The following ARHGAP15 variants were observed in gnomAD, a reference collection of about 807,000 sequenced individuals.
The protein encoded by ARHGAP15 is rho GTPase-activating protein 15.
In ARHGAP15, 51 loss-of-function variants were observed where a neutral mutation model predicts 63.7. That is an observed-to-expected ratio of 0.80 (90% CI 0.64 to 1.01). The LOEUF (loss-of-function observed/expected upper bound fraction) is 1.01, where lower values mean the gene tolerates loss of function less well. ARHGAP15 is among the 50% of genes least tolerant of loss of function. ARHGAP15 has a pLI of 0.00. For missense variants in ARHGAP15, 560 were observed against 564.6 expected (o/e 0.99, Z 0.08); for synonymous variants, 191 against 193.8 (o/e 0.99, Z 0.12).
At chr2:143,542,241 G>C (rs923915051) in intron 10 of ARHGAP15, among the ~76,000 whole-genome samples, 1 of 152,188 alleles carries the variant, frequency 6.6e-6, no homozygotes, top group Admixed American at 6.5e-5. Context: ...CAGTATCGGG[G>C]TGGGAGTGAC....
intron 6 of ARHGAP15, among the ~76,000 whole-genome samples, chr2:143,268,573 C>G (rs931817801): frequency 6.6e-6 from 1 of 152,024 alleles, no homozygotes; most frequent in African/African-American, 2.4e-5. Context: ...AGGAAAAACT[C>G]ATTGTACTAG....
chr2:143,253,156 G>A (rs1225589866), intron 6 of ARHGAP15, among the ~76,000 whole-genome samples: 1 of 150,972 alleles, frequency 6.6e-6, no homozygotes, highest in Non-Finnish European at 1.5e-5. Context: ...TTGGTTCAAG[G>A]AAAATCAAAG....
At chr2:143,721,988 G>C (rs1685081147) in intron 13 of ARHGAP15, among the ~76,000 whole-genome samples, 1 of 150,702 alleles carries the variant, frequency 6.6e-6, no homozygotes, top group African/African-American at 2.4e-5. Context: ...CTTATGTTAT[G>C]CAAACATGGT....
chr2:143,358,017 ATTC>A (rs1685879198), intron 6 of ARHGAP15, among the ~76,000 whole-genome samples: 1 of 152,222 alleles, frequency 6.6e-6, no homozygotes, highest in African/African-American at 2.4e-5. Flanking sequence ...TAGGAAAAAT[ATTC>A]TGTTACATAT....
chr2:143,587,841 T>C (rs1452285553), intron 11 of ARHGAP15: 1 of 450,722 alleles, frequency 2.2e-6, no homozygotes, highest in East Asian at 7.0e-5. Flanking sequence ...TTAAGTTTTT[T>C]GAGATACAAT....
chr2:143,452,855 T>A (rs955955598), intron 8 of ARHGAP15, among the ~76,000 whole-genome samples: 1 of 151,998 alleles, frequency 6.6e-6, no homozygotes, highest in East Asian at 1.9e-4. Context: ...AATATTGGGA[T>A]GATATAGTAG....
At chr2:143,755,112 G>A (rs1686524259) in intron 13 of ARHGAP15, among the ~76,000 whole-genome samples, 1 of 152,052 alleles carries the variant, frequency 6.6e-6, no homozygotes, top group African/African-American at 2.4e-5. Flanking sequence ...TCATTAATCC[G>A]GCAGCCCAAA....
Position 143,406,246 on chromosome 2 carries a change from A to G in ARHGAP15, c.475-29355A>G, listed in dbSNP as rs1382752523. Among the ~76,000 whole-genome samples, 4 of 152,024 alleles carry G rather than the reference A, an allele frequency of 2.6e-5. No homozygotes were observed. In the East Asian group the frequency reaches 5.8e-4, roughly 22 times the overall value. ...ATATTTTGTAAGCTAATGTTGTTCA[A>G]TTTTAAGAGTTTATAATTCTAGTTT... On this transcript the variant is annotated intron_variant, in intron 6 of 13. Coordinates refer to ENST00000295095, the MANE Select transcript of ARHGAP15 (RefSeq NM_018460.4).
At position 143,310,696 on chromosome 2, in the gene ARHGAP15, T is replaced by C. The variant is rs1683406230; in HGVS notation, c.474+60096T>C. On this transcript the variant is annotated intron_variant, in intron 6 of 13. Coordinates refer to ENST00000295095, the MANE Select transcript of ARHGAP15 (RefSeq NM_018460.4). ...TAGCTGCCTTACCTTTTATTTAATTTACATACTTTATTTACTTTCTGACAG... is the reference window on the plus strand; with the variant it reads ...TAGCTGCCTTACCTTTTATTTAATTCACATACTTTATTTACTTTCTGACAG... 2.6e-5 allele frequency among the ~76,000 whole-genome samples: 4 copies of C among 152,056 alleles called. No homozygotes were observed. In the South Asian group the frequency reaches 8.3e-4, roughly 31 times the overall value.
Position 143,250,575 on chromosome 2 carries a change from A to G in ARHGAP15, c.449A>G (p.Lys150Arg), listed in dbSNP as rs770046182. 1 of 1,613,318 alleles carries G rather than the reference A, an allele frequency of 6.2e-7. No homozygotes were observed. The highest frequency in any genetic ancestry group is 1.1e-5 in the South Asian group (1 of 91,064). Residue 150 changes from lysine (K) to arginine (R), a missense_variant, in exon 6 of 14, where the codon AAA (lysine) becomes AGA (arginine). Coordinates refer to ENST00000295095, the MANE Select transcript of ARHGAP15 (RefSeq NM_018460.4). ...CGAHIEWAKE[K>R]SSRKNVFQIT... is the part of the protein sequence containing the mutation. ...GCACACATTGAATGGGCCAAGGAAA[A>G]ATCGAGCAGAAAGAATGTCTTTCAG...
At chr2:143,476,861 C>CG in intron 8 of ARHGAP15, among the ~76,000 whole-genome samples, 1 of 152,226 alleles carries the variant, frequency 6.6e-6, no homozygotes, top group Non-Finnish European at 1.5e-5. Context: ...GTGTTACATG[C>CG]GATGAGCTTG....
intron 12 of ARHGAP15, among the ~76,000 whole-genome samples, chr2:143,662,512 C>T (rs963980226): frequency 7.0e-6 from 1 of 143,044 alleles, no homozygotes; most frequent in African/African-American, 2.5e-5. Context: ...GAGTGCCTCT[C>T]CTCCTCCAAA....
At chr2:143,469,953 C>T (rs1389218000) in intron 8 of ARHGAP15, among the ~76,000 whole-genome samples, 1 of 151,892 alleles carries the variant, frequency 6.6e-6, no homozygotes, top group Non-Finnish European at 1.5e-5. Context: ...CTCTCACTCT[C>T]TCTCTTTTTT....
chr2:143,411,265 A>G (rs1688432740), intron 6 of ARHGAP15, among the ~76,000 whole-genome samples: 1 of 152,086 alleles, frequency 6.6e-6, no homozygotes, highest in Non-Finnish European at 1.5e-5. Flanking sequence ...TTATAAAACT[A>G]TATATTTTAA....
At chr2:143,713,029 C>T (rs536042471) in intron 13 of ARHGAP15, among the ~76,000 whole-genome samples, 3 of 152,234 alleles carry the variant, frequency 2.0e-5, no homozygotes, top group South Asian at 4.2e-4. Flanking sequence ...AATGGAATCG[C>T]GTTACTTCAT....
At chr2:143,731,504 C>T (rs952202028) in intron 13 of ARHGAP15, among the ~76,000 whole-genome samples, 10 of 152,230 alleles carry the variant, frequency 6.6e-5, no homozygotes, top group African/African-American at 1.4e-4. Flanking sequence ...TCTCCACACT[C>T]GTCCCTCCAG....
chr2:143,580,041 C>A (rs907018745), intron 11 of ARHGAP15, among the ~76,000 whole-genome samples: 1 of 147,878 alleles, frequency 6.8e-6, no homozygotes, highest in Admixed American at 6.7e-5. Flanking sequence ...AAGAAAAGTT[C>A]TTTTTATTTC....
intron 9 of ARHGAP15, among the ~76,000 whole-genome samples, chr2:143,511,938 C>G (rs946379124): frequency 6.6e-6 from 1 of 152,212 alleles, no homozygotes; most frequent in Admixed American, 6.5e-5. Flanking sequence ...GCATTATCAT[C>G]TCTTCTCAAT....
At chr2:143,560,314 T>G (rs920578918) in intron 11 of ARHGAP15, among the ~76,000 whole-genome samples, 2 of 152,250 alleles carry the variant, frequency 1.3e-5, no homozygotes, top group Admixed American at 6.5e-5. Context: ...TAATTTATTA[T>G]GTGCCAGGCA....
Sources: allele counts gnomAD v4.1 joint callset (sites outside exome capture counted in the v4.1 genomes callset), GRCh38; gene constraint gnomAD v4.1.1; transcripts MANE v1.5; gene names NCBI Gene and HGNC (gene_info 2026-07-23, HGNC 2026-07-21).